Variants in DAB1 observed in about 807,000 individuals in gnomAD.
DAB1 encodes disabled homolog 1.
A neutral mutation model predicts 64.6 loss-of-function variants in DAB1; 15 were observed. That is an observed-to-expected ratio of 0.23 (90% CI 0.16 to 0.36). DAB1 has a LOEUF of 0.36. Ranked by LOEUF, DAB1 falls within the 10% of genes least tolerant of loss-of-function variation. The probability of loss-of-function intolerance (pLI) is 1.00; values close to 1 mark genes in which losing one functional copy is unlikely to be tolerated. For missense variants in DAB1, 596 were observed against 706.7 expected, an observed-to-expected ratio of 0.84 and a Z score of 1.78; for synonymous variants, 235 against 251.9, an observed-to-expected ratio of 0.93 and a Z score of 0.64.
intron 2 of DAB1, among the ~76,000 whole-genome samples, chr1:58,526,847 C>T (rs1325559923): frequency 6.6e-6 from 1 of 152,022 alleles, no homozygotes; most frequent in Non-Finnish European, 1.5e-5. Context: ...ATAGCATTAG[C>T]TTTCCAGAGG....
intron 2 of DAB1, among the ~76,000 whole-genome samples, chr1:57,233,569 A>G (rs1313112325): frequency 6.6e-6 from 1 of 151,662 alleles, no homozygotes; most frequent in Non-Finnish European, 1.5e-5. Context: ...GACCGGCCTG[A>G]CCAACATGGT....
At chr1:57,597,169 C>A (rs1645521026) in intron 7 of DAB1, among the ~76,000 whole-genome samples, 1 of 152,216 alleles carries the variant, frequency 6.6e-6, no homozygotes, top group South Asian at 2.1e-4. Context: ...CGCCACTTAT[C>A]TTATCCACCT....
chr1:57,894,255 A>G (rs72918575), intron 5 of DAB1, among the ~76,000 whole-genome samples: 1,580 of 152,230 alleles, frequency 0.01, 21 homozygotes, highest in African/African-American at 0.035. Context: ...CCTGCTCTAC[A>G]GTTTGTCTCT....
intron 7 of DAB1, among the ~76,000 whole-genome samples, chr1:57,473,582 T>C (rs1391141842): frequency 1.3e-5 from 2 of 152,224 alleles, no homozygotes; most frequent in African/African-American, 4.8e-5. Context: ...GACTAAATGA[T>C]AAATCAATTT....
At chr1:57,405,022 C>T (rs955415549) in intron 1 of DAB1, among the ~76,000 whole-genome samples, 8 of 152,154 alleles carry the variant, frequency 5.3e-5, no homozygotes, top group Non-Finnish European at 1.0e-4. Context: ...TTGAAATGTG[C>T]ATATTTTAGT....
intron 2 of DAB1, among the ~76,000 whole-genome samples, chr1:58,516,505 A>G (rs1029938979): frequency 6.6e-6 from 1 of 152,210 alleles, no homozygotes; most frequent in Admixed American, 6.5e-5. Context: ...TATTAATTCT[A>G]TATTAATCAT....
chr1:57,684,967 T>C (rs1050809276), intron 6 of DAB1, among the ~76,000 whole-genome samples: 22 of 152,064 alleles, frequency 1.4e-4, no homozygotes, highest in Non-Finnish European at 2.8e-4. Context: ...TTTCTTTTTT[T>C]TTTTGAGATG....
intron 7 of DAB1, among the ~76,000 whole-genome samples, chr1:57,557,427 C>CACATATATATACACATATATGTAT (rs1400145791): frequency 6.6e-6 from 1 of 151,588 alleles, no homozygotes; most frequent in Non-Finnish European, 1.5e-5. Context: ...TATACACACA[C>CACATATATATACACATATATGTAT]ACATATATAT....
chr1:57,159,856 CAAAAAAAAAA>C lies in DAB1; in HGVS notation c.68-14437_68-14428del, dbSNP rs398049302. Among the ~76,000 whole-genome samples, 16 of 86,342 alleles carry C rather than the reference CAAAAAAAAAA, an allele frequency of 1.9e-4. No individual in the cohort carries two copies. In the East Asian group the frequency reaches 2.5e-3, roughly 13 times the overall value. The allele number at this position is 86,342 out of a possible 152,430, so 56.6% of individuals were successfully genotyped here. A position where few individuals can be genotyped will look rare whatever the true frequency, so the allele number is the denominator to read the frequency against. ...CACGTACAAGGTAGAAGCAGCAAGA[CAAAAAAAAAA>C]AAAAAAAAAAAGGAAAAACCTCTTG... On this transcript the variant is annotated intron_variant, in intron 2 of 14. Transcript: ENST00000371236.
At chr1:57,150,123 A>G (rs899489994) in intron 2 of DAB1, among the ~76,000 whole-genome samples, 1 of 152,140 alleles carries the variant, frequency 6.6e-6, no homozygotes, top group Non-Finnish European at 1.5e-5. Context: ...TAGTTGTATA[A>G]TCGTTGGTAA....
At chr1:58,034,124 G>A (rs946980916) in intron 5 of DAB1, among the ~76,000 whole-genome samples, 1 of 152,216 alleles carries the variant, frequency 6.6e-6, no homozygotes, top group Non-Finnish European at 1.5e-5. Flanking sequence ...AGTTAGAAAA[G>A]AGCGTATGAC....
rs1413348368 is a variant in DAB1 at position 57,121,054 on chromosome 1, A to G, written c.306+15489T>C. On this transcript the variant is annotated intron_variant, in intron 4 of 14. Transcript: ENST00000371236. ...CAGCCAGATAAAGGAAGGGGCAAAG[A>G]GATAGTGGGTAGGGGAGACAGGAGA... Among the ~76,000 whole-genome samples, 4 of 151,846 alleles carry G rather than the reference A, an allele frequency of 2.6e-5. No homozygotes were observed. The East Asian group carries it at 7.7e-4, about 29-fold the overall frequency.
At chr1:57,677,606 CA>C (rs1412218379) in intron 6 of DAB1, among the ~76,000 whole-genome samples, 6 of 152,142 alleles carry the variant, frequency 3.9e-5, no homozygotes, top group Non-Finnish European at 8.8e-5. Context: ...CCCACAAAAC[CA>C]TGCAAAAAAT....
chr1:57,220,747 A>G (rs1395613602), intron 2 of DAB1, among the ~76,000 whole-genome samples: 1 of 152,206 alleles, frequency 6.6e-6, no homozygotes, highest in Non-Finnish European at 1.5e-5. Context: ...AAAAGTCAGG[A>G]AACAACAGGT....
chr1:57,031,524 A>G lies in DAB1; in HGVS notation c.724-5481T>C, dbSNP rs1412075953. ...CCGTAAAGTCAACAGCATAGGCGCC[A>G]TTGTCACTATCTATGTTTCACAGAT... On this transcript the variant is annotated intron_variant, in intron 9 of 14. Coordinates refer to ENST00000371236, the MANE Select transcript of DAB1 (RefSeq NM_001365792.1). Among the ~76,000 whole-genome samples the G allele has an allele frequency of 2.6e-5, 4 of 152,218 alleles. No homozygotes were observed. In the East Asian group the frequency reaches 7.7e-4, roughly 29 times the overall value.
chr1:57,452,070 A>C (rs1351604397), intron 7 of DAB1, among the ~76,000 whole-genome samples: 1 of 151,444 alleles, frequency 6.6e-6, no homozygotes, highest in Non-Finnish European at 1.5e-5. Context: ...GAGACTGACC[A>C]GCTGTCCATA....
rs12078292 is a variant in DAB1, at chr1:57,977,392, A to T, written n.388-93230T>A. On this transcript the variant is annotated intron_variant and non_coding_transcript_variant, in intron 5 of 20. Transcript: ENST00000485760. ...TTCCTCTCCTCTTTAGAGGAAGAAA[A>T]TAATAGACTGACTTCATTTGTTTCC... Among the ~76,000 whole-genome samples the T allele has an allele frequency of 2.8e-3, 424 of 152,306 alleles. 3 individuals carry two copies. Among genetic ancestry groups the T allele is most frequent in the African/African-American group, 9.7e-3 (404 of 41,572 alleles).
chr1:58,180,968 A>C (rs1656758237), intron 4 of DAB1, among the ~76,000 whole-genome samples: 1 of 152,170 alleles, frequency 6.6e-6, no homozygotes, highest in Admixed American at 6.6e-5. Context: ...GAGTGCTCTA[A>C]GATACTAGTT....
intron 9 of DAB1, among the ~76,000 whole-genome samples, chr1:57,038,813 T>C (rs1033614946): frequency 1.3e-5 from 2 of 152,212 alleles, no homozygotes; most frequent in Non-Finnish European, 2.9e-5. Context: ...TTTCTTAATA[T>C]GCAAGGGGAA....
Sources: gnomAD v4.1 joint callset for allele counts (sites outside exome capture counted in the v4.1 genomes callset) on GRCh38, gnomAD v4.1.1 for gene constraint, MANE v1.5 for transcripts, NCBI Gene and HGNC (gene_info 2026-07-23, HGNC 2026-07-21) for gene names.